Variants in CRABP1 observed in about 807,000 individuals in gnomAD.
The protein encoded by CRABP1 is cellular retinoic acid binding protein 1, also known as cellular retinoic acid-binding protein 1.
In CRABP1, 9 loss-of-function variants were observed where a neutral mutation model predicts 16.4. The observed-to-expected ratio is 0.55, with a 90% CI of 0.33 to 0.96. The LOEUF (loss-of-function observed/expected upper bound fraction) is 0.96. Ranked by LOEUF, CRABP1 falls within the 40% of genes least tolerant of loss-of-function variation. The probability of loss-of-function intolerance (pLI) is 0.03; values close to 1 mark genes in which losing one functional copy is unlikely to be tolerated. For synonymous variants in CRABP1, 72 were observed against 70.4 expected, an observed-to-expected ratio of 1.02 and a Z score of -0.11; for missense variants, 157 against 186.0, an observed-to-expected ratio of 0.84 and a Z score of 0.91.
Position 78,347,995 on chromosome 15 carries a change from C to T in CRABP1, c.*18C>T. On this transcript the variant is annotated 3_prime_UTR_variant, in exon 4 of 4. Transcript: ENST00000299529. ...GAGAGTGAAGGCAGCTGGCTTGCTCCTACTTTCAGGAAGGGATGCAGGCTC... is the reference window on the plus strand; with the variant it reads ...GAGAGTGAAGGCAGCTGGCTTGCTCTTACTTTCAGGAAGGGATGCAGGCTC... 4 of 1,613,592 alleles carry T rather than the reference C, an allele frequency of 2.5e-6. No individual in the cohort carries two copies. Among genetic ancestry groups the T allele is most frequent in the Non-Finnish European group, 3.4e-6 (4 of 1,179,682 alleles).
At chr15:78,346,909 G>A (rs28631630) in intron 3 of CRABP1, among the ~76,000 whole-genome samples, 2,080 of 152,058 alleles carry the variant, frequency 0.014, 45 homozygotes, top group African/African-American at 0.048. Context: ...AGGACCTTCT[G>A]GCACATAAAT....
intron 3 of CRABP1, 105 bp from the exon 4 acceptor site, chr15:78,347,822 A>G (rs2141529515): frequency 9.6e-7 from 1 of 1,043,328 alleles, no homozygotes; most frequent in East Asian, 2.4e-5. Context: ...TGTCTGTTAC[A>G]AAGAGTTTTT....
Position 78,341,312 on chromosome 15 carries a change from G to C in CRABP1, c.249+91G>C. On this transcript the variant is annotated intron_variant, in intron 2 of 3. Coordinates refer to ENST00000299529, the MANE Select transcript of CRABP1 (RefSeq NM_004378.3). The surrounding 1 kb of genome is among the most constrained non-coding windows in gnomAD (Gnocchi z 5.3). ...GGAGGAACCTGTGTCTCCCTTTGCA[G>C]CCTGTGGCGCGCCTTCCTTGCAGGG... is the stretch of plus-strand genomic sequence containing the variant. The C allele has an allele frequency of 6.9e-7, 1 of 1,446,172 alleles. No homozygotes were observed. The highest frequency in any genetic ancestry group is 9.5e-7 in the Non-Finnish European group (1 of 1,050,490). 89.6% of individuals were successfully genotyped at this position (1,446,172 alleles called of 1,614,324 possible).
At position 78,340,504 on chromosome 15, in the gene CRABP1, C is replaced by A; in HGVS notation, c.70+6C>A. 6.2e-7 allele frequency: 1 copy of A among 1,606,650 alleles called. No homozygotes were observed. The highest frequency in any genetic ancestry group is 8.5e-7 in the Non-Finnish European group (1 of 1,177,488). On this transcript the variant is annotated splice_donor_region_variant and intron_variant, in intron 1 of 3. Coordinates refer to ENST00000299529, the MANE Select transcript of CRABP1 (RefSeq NM_004378.3). ...CGAGCTGCTCAAGGCACTGGGTAAG[C>A]TGGTGCAGAGGGCGCGCCCCGACGG...
intron 3 of CRABP1, among the ~76,000 whole-genome samples, chr15:78,347,647 C>G (rs185152952): frequency 6.6e-6 from 1 of 152,260 alleles, no homozygotes; most frequent in East Asian, 1.9e-4. Context: ...AATTTTAAAA[C>G]CAAAACTCCT....
At chr15:78,344,526 G>T (rs2050254511) in intron 3 of CRABP1, among the ~76,000 whole-genome samples, 1 of 151,964 alleles carries the variant, frequency 6.6e-6, no homozygotes, top group African/African-American at 2.4e-5. Flanking sequence ...CTTACCTAGT[G>T]AGGCCAAATT....
At position 78,341,120 on chromosome 15, in the gene CRABP1, C is replaced by G; in HGVS notation, c.148C>G (p.Gln50Glu). The G allele has an allele frequency of 6.2e-7, 1 of 1,613,108 alleles. No individual in the cohort carries two copies. Among genetic ancestry groups the G allele is most frequent in the Middle Eastern group, 1.7e-4 (1 of 6,060 alleles). Residue 50 changes from glutamine (Q) to glutamate (E), a missense_variant, in exon 2 of 4, where the codon CAG becomes GAG. Transcript: ENST00000299529. The surrounding 1 kb of genome is among the most constrained non-coding windows in gnomAD (Gnocchi z 5.3). ...CGTGGAGATCCGCCAGGACGGGGAT[C>G]AGTTCTACATCAAGACATCCACCAC... ...PHVEIRQDGDQFYIKTSTTVR... is the reference protein window; with the variant it reads ...PHVEIRQDGDEFYIKTSTTVR...
intron 3 of CRABP1, among the ~76,000 whole-genome samples, chr15:78,344,773 T>G (rs2050256313): frequency 6.8e-6 from 1 of 148,002 alleles, no homozygotes; most frequent in Non-Finnish European, 1.5e-5. Flanking sequence ...AAAAATTAGC[T>G]GAGTGTGGTG....
intron 2 of CRABP1, among the ~76,000 whole-genome samples, chr15:78,343,175 A>G (rs2050244504): frequency 6.6e-6 from 1 of 152,216 alleles, no homozygotes; most frequent in Admixed American, 6.5e-5. Flanking sequence ...GCTAATTTTT[A>G]TATAAATGAA....
chr15:78,345,409 A>G (rs961072852), intron 3 of CRABP1, among the ~76,000 whole-genome samples: 4 of 152,166 alleles, frequency 2.6e-5, no homozygotes, highest in Admixed American at 6.5e-5. Flanking sequence ...TATTGTTTCC[A>G]GGGAAAGGAT....
intron 3 of CRABP1, 180 bp from the exon 4 acceptor site, chr15:78,347,747 A>C (rs2050274316): frequency 1.6e-6 from 1 of 610,292 alleles, no homozygotes; most frequent in African/African-American, 1.9e-5. Context: ...CTCTTTACCA[A>C]TAGCGCTTAA....
intron 3 of CRABP1, 69 bp from the exon 4 acceptor site, chr15:78,347,858 G>A (rs556121646): frequency 1.8e-5 from 26 of 1,453,388 alleles, no homozygotes; most frequent in Non-Finnish European, 2.4e-5. Context: ...GGCCTTATTA[G>A]TGATATGCTT....
At chr15:78,347,244 G>C (rs913602588) in intron 3 of CRABP1, among the ~76,000 whole-genome samples, 3 of 152,106 alleles carry the variant, frequency 2.0e-5, no homozygotes, top group African/African-American at 7.2e-5. Context: ...TGATCATCTT[G>C]TCAACTCCAC....
At position 78,341,203 on chromosome 15, in the gene CRABP1, G is replaced by C; in HGVS notation, c.231G>C (p.Val77=). The change falls in exon 2 of 4, where the codon GTG becomes GTC. Residue 77 remains valine (V), a synonymous_variant. Transcript: ENST00000299529. This position sits in a 1 kb window ranked among gnomAD's most constrained non-coding sequence, Gnocchi z 5.3. ...GAGAAGGCTTTGAGGAGGAGACCGT[G>C]GACGGACGCAAGTGCAGGGTGAGGC... ...KVGEGFEEET[V]DGRKCRSLAT... is the part of the protein sequence containing the mutation. 6.2e-7 allele frequency: 1 copy of C among 1,611,114 alleles called. No individual in the cohort carries two copies. The highest frequency in any genetic ancestry group is 1.1e-5 in the South Asian group (1 of 90,326).
intron 3 of CRABP1, among the ~76,000 whole-genome samples, chr15:78,343,973 AT>A (rs993418040): frequency 2.0e-5 from 3 of 151,854 alleles, no homozygotes; most frequent in South Asian, 4.2e-4. Context: ...GGCAGAAGGG[AT>A]TTTTTTTCAT....
At chr15:78,344,760 A>C (rs2050256204) in intron 3 of CRABP1, among the ~76,000 whole-genome samples, 1 of 151,280 alleles carries the variant, frequency 6.6e-6, no homozygotes, top group African/African-American at 2.4e-5. Flanking sequence ...AAAAAAAAAA[A>C]AAAAAAATTA....
At chr15:78,345,421 C>T (rs1430561899) in intron 3 of CRABP1, among the ~76,000 whole-genome samples, 1 of 152,116 alleles carries the variant, frequency 6.6e-6, no homozygotes, top group Non-Finnish European at 1.5e-5. Context: ...GGAAAGGATA[C>T]TTGCTGGGCT....
At chr15:78,342,976 G>A (rs1049600969) in intron 2 of CRABP1, among the ~76,000 whole-genome samples, 2 of 152,078 alleles carry the variant, frequency 1.3e-5, no homozygotes, top group East Asian at 1.9e-4. Context: ...TTAGCTGGGC[G>A]TGGTGGCAGG....
intron 2 of CRABP1, among the ~76,000 whole-genome samples, chr15:78,342,567 A>T (rs926929484): frequency 1.3e-5 from 2 of 152,134 alleles, no homozygotes; most frequent in Non-Finnish European, 2.9e-5. Context: ...CTGGGGAAAA[A>T]CTTCAGGAAA....
Sources: gnomAD v4.1 joint callset for allele counts (sites outside exome capture counted in the v4.1 genomes callset) on GRCh38, gnomAD v4.1.1 for gene constraint, Gnocchi (gnomAD v3.1) non-coding constraint, MANE v1.5 for transcripts, NCBI Gene and HGNC (gene_info 2026-07-23, HGNC 2026-07-21) for gene names.